MED13L: variants seen among roughly 807,000 people sequenced by gnomAD.
The protein encoded by MED13L is mediator of RNA polymerase II transcription subunit 13-like.
In MED13L, 7 loss-of-function variants were observed where a neutral mutation model predicts 220.9. The ratio of observed to expected loss-of-function variants is 0.03; its 90% confidence interval spans 0.02 to 0.06. The LOEUF (loss-of-function observed/expected upper bound fraction) is 0.06. Among genes scored for constraint, MED13L ranks in the 10% least tolerant of loss-of-function variants. The pLI is 1.00. For missense variants in MED13L, 1,965 were observed against 2,760.5 expected, an observed-to-expected ratio of 0.71 and a Z score of 6.46; for synonymous variants, 1,011 against 1,015.2, an observed-to-expected ratio of 1.00 and a Z score of 0.08.
At chr12:116,001,495 A>C (rs1878739540) in intron 14 of MED13L, among the ~76,000 whole-genome samples, 1 of 152,110 alleles carries the variant, frequency 6.6e-6, no homozygotes, top group South Asian at 2.1e-4. Context: ...AACTTTTATA[A>C]TACATTTGTC....
At position 116,254,445 on chromosome 12, in the gene MED13L, A is replaced by G. The variant is rs1871857473; in HGVS notation, c.73-16740T>C. On this transcript the variant is annotated intron_variant, in intron 1 of 30. Coordinates refer to ENST00000281928, the MANE Select transcript of MED13L (RefSeq NM_015335.5). ...GCGTTTCTATAAACTAACAGTAAAC[A>G]TGTCAAAAAATACTCTCAAATGGCC... Among the ~76,000 whole-genome samples the G allele has an allele frequency of 2.0e-5, 3 of 152,074 alleles. No homozygotes were observed. The South Asian group carries it at 6.2e-4, about 31-fold the overall frequency.
At chr12:116,183,186 C>T (rs1406177653) in intron 2 of MED13L, among the ~76,000 whole-genome samples, 2 of 152,118 alleles carry the variant, frequency 1.3e-5, no homozygotes, top group Non-Finnish European at 2.9e-5. Flanking sequence ...CAACTCCTTA[C>T]CTGAGTCTAA....
intron 1 of MED13L, among the ~76,000 whole-genome samples, chr12:116,244,338 T>C (rs1225017840): frequency 9.2e-5 from 14 of 152,220 alleles, no homozygotes; most frequent in Admixed American, 9.2e-4. Flanking sequence ...CATACACATC[T>C]GCTTTTGCTC....
At chr12:116,223,343 A>T (rs1868620338) in intron 2 of MED13L, among the ~76,000 whole-genome samples, 1 of 152,182 alleles carries the variant, frequency 6.6e-6, no homozygotes, top group Non-Finnish European at 1.5e-5. Context: ...AAAAAAAAAT[A>T]TGAAGAATTA....
At chr12:116,016,345 CT>C (rs1299506174) in intron 7 of MED13L, among the ~76,000 whole-genome samples, 1 of 152,016 alleles carries the variant, frequency 6.6e-6, no homozygotes, top group Non-Finnish European at 1.5e-5. Context: ...AAATGAAGCG[CT>C]CTTCTTTCCG....
chr12:116,087,713 T>G (rs1440180845), intron 4 of MED13L, among the ~76,000 whole-genome samples: 1 of 152,118 alleles, frequency 6.6e-6, no homozygotes, highest in African/African-American at 2.4e-5. Context: ...TACTGGTCTG[T>G]CTCATTTCTC....
intron 2 of MED13L, among the ~76,000 whole-genome samples, chr12:116,164,590 G>A (rs1046908524): frequency 3.9e-5 from 6 of 152,138 alleles, no homozygotes; most frequent in Non-Finnish European, 7.4e-5. Context: ...CCCACACTTG[G>A]TCACAGTTGC....
intron 2 of MED13L, among the ~76,000 whole-genome samples, chr12:116,129,863 C>T (rs971794313): frequency 8.0e-5 from 12 of 150,030 alleles, no homozygotes; most frequent in Non-Finnish European, 1.5e-4. Flanking sequence ...GAGCCGAGAT[C>T]GTGCCACGGC....
intron 2 of MED13L, chr12:116,148,713 G>A (rs967526655): frequency 1.2e-5 from 2 of 166,620 alleles, no homozygotes; most frequent in African/African-American, 2.4e-5. Flanking sequence ...TAAAAGAAAG[G>A]AGAAATTATT....
chr12:116,155,626 T>C (rs868836921), intron 2 of MED13L, among the ~76,000 whole-genome samples: 1 of 152,162 alleles, frequency 6.6e-6, no homozygotes, highest in African/African-American at 2.4e-5. Flanking sequence ...ATTAGCGCTG[T>C]GGGCAGTGCT....
At chr12:116,115,637 C>T (rs1363777224) in intron 2 of MED13L, among the ~76,000 whole-genome samples, 1 of 145,930 alleles carries the variant, frequency 6.9e-6, no homozygotes, top group Non-Finnish European at 1.5e-5. Flanking sequence ...GAATACGTTA[C>T]TTTTTTTTTT....
intron 2 of MED13L, among the ~76,000 whole-genome samples, chr12:116,191,207 A>G (rs2138266551): frequency 6.6e-6 from 1 of 152,284 alleles, no homozygotes; most frequent in Middle Eastern, 3.4e-3. Flanking sequence ...CAAATACTTC[A>G]AACAAAATTC....
At chr12:116,029,802 A>T (rs75193321) in intron 4 of MED13L, among the ~76,000 whole-genome samples, 1 of 152,174 alleles carries the variant, frequency 6.6e-6, no homozygotes, top group Non-Finnish European at 1.5e-5. Flanking sequence ...ATATTTTAAC[A>T]TGTTTTCTAG....
chr12:116,257,887 A>G (rs1003207985), intron 1 of MED13L, among the ~76,000 whole-genome samples: 2 of 152,160 alleles, frequency 1.3e-5, no homozygotes, highest in African/African-American at 4.8e-5. Flanking sequence ...GGAACAGTCT[A>G]AGACAAAAAA....
rs150119632 is a variant in MED13L at position 116,103,280 on chromosome 12, G to A, written c.396-6528C>T. Among the ~76,000 whole-genome samples the A allele has an allele frequency of 3.7e-4, 57 of 152,226 alleles. 1 individual carries two copies. In the East Asian group the frequency reaches 9.7e-3, roughly 26 times the overall value. ...TTATTTATTTATGTTTAGAGACAGA[G>A]TCTCACTCTGTTGCCCAGGCTGGAG... is the stretch of plus-strand genomic sequence containing the variant. On this transcript the variant is annotated intron_variant, in intron 3 of 30. Coordinates refer to ENST00000281928, the MANE Select transcript of MED13L (RefSeq NM_015335.5).
intron 4 of MED13L, among the ~76,000 whole-genome samples, chr12:116,080,639 G>T (rs552502362): frequency 6.6e-6 from 1 of 152,296 alleles, no homozygotes; most frequent in South Asian, 2.1e-4. Context: ...CTTCAATGAA[G>T]TCAAATATTT....
rs138173683 is a variant in MED13L at position 116,114,590 on chromosome 12, G to GA, written c.311-3079_311-3078insT. 9.8e-3 allele frequency among the ~76,000 whole-genome samples: 1,487 copies of GA among 152,270 alleles called. 23 individuals are homozygous for GA. Among genetic ancestry groups the GA allele is most frequent in the African/African-American group, 0.035 (1,437 of 41,542 alleles). On this transcript the variant is annotated intron_variant, in intron 2 of 30. Transcript: ENST00000281928. ...AAAAGACTGAACGAACGGTAAGGAT[G>GA]TCTGCTCTCACTACTCCTATTCCAC...
intron 13 of MED13L, among the ~76,000 whole-genome samples, chr12:116,004,717 C>A (rs1226070530): frequency 6.6e-6 from 1 of 152,116 alleles, no homozygotes; most frequent in Non-Finnish European, 1.5e-5. Context: ...CTCAATGACC[C>A]CTTCTTTCCA....
At chr12:116,185,757 C>T (rs79532769) in intron 2 of MED13L, among the ~76,000 whole-genome samples, 6 of 151,654 alleles carry the variant, frequency 4.0e-5, no homozygotes, top group East Asian at 1.9e-4. Context: ...AGTGCAGTGG[C>T]GCAATCTAGG....
Sources: allele counts gnomAD v4.1 joint callset (sites outside exome capture counted in the v4.1 genomes callset), GRCh38; gene constraint gnomAD v4.1.1; transcripts MANE v1.5; gene names NCBI Gene and HGNC (gene_info 2026-07-23, HGNC 2026-07-21).